EXOC6B: variants seen among roughly 807,000 people sequenced by gnomAD.
The protein encoded by EXOC6B is SEC15 homolog B.
Under a neutral mutation model 113.5 loss-of-function variants are expected in EXOC6B, and 54 were observed. The observed-to-expected ratio is 0.48, with a 90% CI of 0.38 to 0.60. The LOEUF is 0.60. Ranked by LOEUF, EXOC6B falls within the 20% of genes least tolerant of loss-of-function variation. The pLI is 0.00. For synonymous variants in EXOC6B, 357 were observed against 339.0 expected (o/e 1.05, Z -0.58); for missense variants, 797 against 977.5 (o/e 0.82, Z 2.46).
chr2:72,693,042 A>C (rs902327814), intron 6 of EXOC6B, among the ~76,000 whole-genome samples: 1 of 152,236 alleles, frequency 6.6e-6, no homozygotes, highest in Non-Finnish European at 1.5e-5. Context: ...CTGAGCTTTA[A>C]TACCAGAGGA....
chr2:72,646,698 A>G (rs879285948), intron 6 of EXOC6B, among the ~76,000 whole-genome samples: 16 of 152,216 alleles, frequency 1.1e-4, no homozygotes, highest in Non-Finnish European at 1.8e-4. Context: ...AATGACAAAA[A>G]CCACATGATT....
intron 6 of EXOC6B, among the ~76,000 whole-genome samples, chr2:72,590,001 T>C (rs1705830943): frequency 6.6e-6 from 1 of 151,992 alleles, no homozygotes; most frequent in Non-Finnish European, 1.5e-5. Flanking sequence ...AGGAAGCCAA[T>C]TTTTAGCAGA....
chr2:72,441,236 G>A (rs1038686828), intron 18 of EXOC6B, among the ~76,000 whole-genome samples: 6 of 152,202 alleles, frequency 3.9e-5, no homozygotes, highest in African/African-American at 1.4e-4. Flanking sequence ...CTGGGACATG[G>A]CTAAGGCAGT....
chr2:72,625,224 T>C (rs1433152028), intron 6 of EXOC6B, among the ~76,000 whole-genome samples: 1 of 151,308 alleles, frequency 6.6e-6, no homozygotes, highest in Non-Finnish European at 1.5e-5. Flanking sequence ...CCTAGAGAGT[T>C]TAAAATACAT....
chr2:72,358,690 G>C (rs1378416060), intron 19 of EXOC6B, among the ~76,000 whole-genome samples: 2 of 152,054 alleles, frequency 1.3e-5, no homozygotes, highest in African/African-American at 4.8e-5. Flanking sequence ...TATATTGCTG[G>C]CATATTAAGA....
chr2:72,314,131 C>G (rs748486577), intron 20 of EXOC6B, among the ~76,000 whole-genome samples: 1 of 152,132 alleles, frequency 6.6e-6, no homozygotes, highest in Non-Finnish European at 1.5e-5. Flanking sequence ...TAAGGCTGTG[C>G]CATTTAACTA....
intron 20 of EXOC6B, among the ~76,000 whole-genome samples, chr2:72,228,678 G>C (rs1379334793): frequency 1.3e-5 from 2 of 152,088 alleles, no homozygotes; most frequent in African/African-American, 2.4e-5. Flanking sequence ...TTGGACATTT[G>C]GCTTGGTTCC....
intron 8 of EXOC6B, among the ~76,000 whole-genome samples, chr2:72,522,181 G>A (rs1003108762): frequency 1.3e-5 from 2 of 152,166 alleles, no homozygotes; most frequent in African/African-American, 4.8e-5. Context: ...CCAAACAAGA[G>A]AAAAAATATT....
At chr2:72,248,823 A>G (rs1051880097) in intron 20 of EXOC6B, among the ~76,000 whole-genome samples, 6 of 152,240 alleles carry the variant, frequency 3.9e-5, no homozygotes, top group African/African-American at 1.4e-4. Context: ...AATAGATTAG[A>G]AAAATAGGAA....
At chr2:72,297,380 C>A (rs1686206318) in intron 20 of EXOC6B, among the ~76,000 whole-genome samples, 1 of 152,080 alleles carries the variant, frequency 6.6e-6, no homozygotes, top group African/African-American at 2.4e-5. Flanking sequence ...CCTCCTCACA[C>A]GTTCCACCCT....
At chr2:72,657,098 G>T (rs1001475291) in intron 6 of EXOC6B, among the ~76,000 whole-genome samples, 6 of 151,998 alleles carry the variant, frequency 3.9e-5, no homozygotes, top group Non-Finnish European at 5.9e-5. Context: ...TGATCCGACC[G>T]CCTTGGCCTC....
At chr2:72,402,060 A>C (rs1693374756) in intron 18 of EXOC6B, among the ~76,000 whole-genome samples, 1 of 151,758 alleles carries the variant, frequency 6.6e-6, no homozygotes, top group African/African-American at 2.4e-5. Flanking sequence ...CTATTAGCAA[A>C]ATTTTAAGAA....
intron 17 of EXOC6B, among the ~76,000 whole-genome samples, chr2:72,471,995 CT>C (rs1358796355): frequency 2.6e-5 from 4 of 152,086 alleles, no homozygotes; most frequent in African/African-American, 9.7e-5. Context: ...GGTTTTTACC[CT>C]TCATTCTGTT....
intron 20 of EXOC6B, among the ~76,000 whole-genome samples, chr2:72,190,092 G>A (rs150011783): frequency 7.4e-5 from 11 of 149,440 alleles, no homozygotes; most frequent in African/African-American, 2.7e-4. Flanking sequence ...GTGCAGTGGT[G>A]CAATCATAGC....
rs1169194966 is a variant in EXOC6B at position 72,803,230 on chromosome 2, T to C, written c.113+22568A>G. 1.1e-4 allele frequency among the ~76,000 whole-genome samples: 16 copies of C among 150,562 alleles called. No homozygotes were observed. The Admixed American group carries it at 1.1e-3, about 10-fold the overall frequency. On this transcript the variant is annotated intron_variant, in intron 1 of 21. Transcript: ENST00000272427. The stretch of plus-strand genomic sequence containing the variant: ...CAAATAAAATTCCCAAAACCAACTA[T>C]AGAAATGACATCTCAAAATAGTGAA...
In EXOC6B at chr2:72,825,981, C is replaced by A. The variant is rs2048173; in HGVS notation, c.-71G>T. The A allele has an allele frequency of 6.0e-5, 94 of 1,569,494 alleles. No homozygotes were observed. Among genetic ancestry groups the A allele is most frequent in the Non-Finnish European group, 7.9e-5 (92 of 1,161,368 alleles). On this transcript the variant is annotated 5_prime_UTR_variant, in exon 1 of 22. Transcript: ENST00000272427. The surrounding 1 kb of genome is among the most constrained non-coding windows in gnomAD (Gnocchi z 4.4). ...ACCTTTTCCCTGCCCCACAATGCCGCTCCCACCACAGGCTCCACAGCCGCC... is the reference window on the plus strand; with the variant it reads ...ACCTTTTCCCTGCCCCACAATGCCGATCCCACCACAGGCTCCACAGCCGCC...
At chr2:72,524,053 G>A (rs1701637716) in intron 8 of EXOC6B, among the ~76,000 whole-genome samples, 1 of 151,392 alleles carries the variant, frequency 6.6e-6, no homozygotes, top group Admixed American at 6.6e-5. Context: ...TTTCCACTAG[G>A]TCTTGGGGAA....
chr2:72,760,562 C>A (rs1682681849), intron 1 of EXOC6B: 1 of 163,556 alleles, frequency 6.1e-6, no homozygotes. Flanking sequence ...AATGTCTGAC[C>A]TGAAATGAGC....
intron 19 of EXOC6B, among the ~76,000 whole-genome samples, chr2:72,367,759 T>C (rs773209165): frequency 1.3e-5 from 2 of 152,124 alleles, no homozygotes; most frequent in Non-Finnish European, 2.9e-5. Context: ...TGGGGGACTT[T>C]ACATTGAACT....
Sources: allele counts gnomAD v4.1 joint callset (sites outside exome capture counted in the v4.1 genomes callset), GRCh38; gene constraint gnomAD v4.1.1; non-coding constraint Gnocchi (gnomAD v3.1); transcripts MANE v1.5; gene names NCBI Gene and HGNC (gene_info 2026-07-23, HGNC 2026-07-21).